NAA25: variants seen among roughly 807,000 people sequenced by gnomAD.
NAA25 encodes N-terminal acetyltransferase B complex subunit NAA25.
In NAA25, 30 loss-of-function variants were observed where a neutral mutation model predicts 132.5. That is an observed-to-expected ratio of 0.23 (90% CI 0.17 to 0.31). The LOEUF (loss-of-function observed/expected upper bound fraction) is 0.31. NAA25 is among the 10% of genes least tolerant of loss of function. The pLI is 1.00. For missense variants in NAA25, 771 were observed against 1,150.4 expected, an observed-to-expected ratio of 0.67 and a Z score of 4.77; for synonymous variants, 359 against 401.9, an observed-to-expected ratio of 0.89 and a Z score of 1.28.
At chr12:112,102,727 C>A (rs1314893559) in intron 1 of NAA25, among the ~76,000 whole-genome samples, 3 of 147,920 alleles carry the variant, frequency 2.0e-5, no homozygotes, top group African/African-American at 7.5e-5. Context: ...CGCACTGGAG[C>A]CCAGGCTGGA....
Position 112,027,431 on chromosome 12 carries a change from T to A in NAA25, c.*2100A>T, listed in dbSNP as rs182575877. 2.6e-5 allele frequency: 4 copies of A among 152,682 alleles called. No individual in the cohort carries two copies. The highest frequency in any genetic ancestry group is 6.5e-5 in the Admixed American group (1 of 15,282). The allele number at this position is 152,682 out of a possible 1,614,324, so 9.5% of individuals were successfully genotyped here. On this transcript the variant is annotated 3_prime_UTR_variant, in exon 24 of 24. Coordinates refer to ENST00000261745, the MANE Select transcript of NAA25 (RefSeq NM_024953.4). The stretch of plus-strand genomic sequence containing the variant: ...TAATTTCATTCTTTTTACAATTATC[T>A]CAAAATGTGAAAGCTGGATCTAATT...
chr12:112,107,052 G>C (rs1371282850), intron 1 of NAA25, among the ~76,000 whole-genome samples: 1 of 148,238 alleles, frequency 6.7e-6, no homozygotes, highest in Non-Finnish European at 1.5e-5. Flanking sequence ...AGTAGGTCAA[G>C]AGTTCAAGTC....
At chr12:112,042,638 A>G (rs2078317847) in intron 19 of NAA25, among the ~76,000 whole-genome samples, 1 of 151,948 alleles carries the variant, frequency 6.6e-6, no homozygotes, top group African/African-American at 2.4e-5. Context: ...TCTGGAGTAG[A>G]TAAGACTACA....
intron 7 of NAA25, among the ~76,000 whole-genome samples, chr12:112,077,801 T>A (rs187356003): frequency 0.018 from 2,799 of 151,682 alleles, 43 homozygotes; most frequent in Admixed American, 0.032. Flanking sequence ...TAAAGAAAAA[T>A]TTTTTTTAAA....
chr12:112,090,996 G>A (rs2079119986), intron 2 of NAA25, 132 bp from the exon 3 acceptor site: 7 of 822,664 alleles, frequency 8.5e-6, no homozygotes, highest in Non-Finnish European at 1.3e-5. Context: ...GGCTGGGTGC[G>A]GCGGCTCACA....
chr12:112,064,552 T>C (rs1030373531), intron 11 of NAA25, among the ~76,000 whole-genome samples: 1 of 152,194 alleles, frequency 6.6e-6, no homozygotes, highest in African/African-American at 2.4e-5. Flanking sequence ...TTTGATTAAA[T>C]GCTTCTATAG....
At position 112,086,713 on chromosome 12, in the gene NAA25, A is replaced by T. The variant is rs116549873; in HGVS notation, c.402+970T>A. On this transcript the variant is annotated intron_variant, in intron 4 of 23. Coordinates refer to ENST00000261745, the MANE Select transcript of NAA25 (RefSeq NM_024953.4). ...TTATACCCACAAAGAAAGCATTTCT[A>T]AAAAAGTACTAGCTTGGGCTGGGTG... 8.1e-3 allele frequency among the ~76,000 whole-genome samples: 1,231 copies of T among 152,202 alleles called. 16 individuals carry two copies. The highest frequency in any genetic ancestry group is 0.029 in the African/African-American group (1,184 of 41,536).
chr12:112,100,742 C>T (rs1010905360), intron 1 of NAA25, among the ~76,000 whole-genome samples: 2 of 151,586 alleles, frequency 1.3e-5, no homozygotes, highest in African/African-American at 2.4e-5. Flanking sequence ...ACCTCAGCCT[C>T]CGGAGTAGCT....
In NAA25 at chr12:112,042,059, G is replaced by A; in HGVS notation, c.2420C>T (p.Ser807Phe). 1 of 1,484,302 alleles carries A rather than the reference G, an allele frequency of 6.7e-7. No individual in the cohort carries two copies. The highest frequency in any genetic ancestry group is 8.9e-7 in the Non-Finnish European group (1 of 1,118,716). The allele number at this position is 1,484,302 out of a possible 1,614,324, so 91.9% of individuals were successfully genotyped here. A position where few individuals can be genotyped will look rare whatever the true frequency, so the allele number is the denominator to read the frequency against. ...CTTACCTTTTAACTGGTCTAGTAAA[G>A]ACTTAAAACTATTTTCTATTCGTTC... ...IQERIENSFK[S>F]LLDQLKDVFS... Residue 807 changes from serine to phenylalanine, a missense_variant, in exon 20 of 24, where the codon TCT becomes TTT. By Grantham distance (155) the Ser-to-Phe change is radical. Around this residue, in one of 3 missense-constraint regions of NAA25, gnomAD observed 324 missense variants for 400.0 expected, o/e 0.81. Coordinates refer to ENST00000261745, the MANE Select transcript of NAA25 (RefSeq NM_024953.4).
intron 13 of NAA25, 124 bp downstream of exon 13, chr12:112,060,146 G>C: frequency 1.4e-6 from 1 of 692,858 alleles, no homozygotes; most frequent in Non-Finnish European, 2.4e-6. Flanking sequence ...GAAATATCAA[G>C]AAAAGCAGAA....
chr12:112,098,988 T>C (rs1464534791), intron 1 of NAA25, among the ~76,000 whole-genome samples: 3 of 151,814 alleles, frequency 2.0e-5, no homozygotes, highest in African/African-American at 4.8e-5. Flanking sequence ...AAATTGCTAG[T>C]ATCTTTTTTT....
At chr12:112,086,821 G>A (rs2136920471) in intron 4 of NAA25, among the ~76,000 whole-genome samples, 1 of 152,148 alleles carries the variant, frequency 6.6e-6, no homozygotes, top group Admixed American at 6.6e-5. Context: ...AGACCAGCCT[G>A]ACCAACATGG....
rs548979243 is a variant in NAA25 at position 112,069,817 on chromosome 12, CT to C, written c.1037-826del. Among the ~76,000 whole-genome samples, 312 of 133,930 alleles carry C rather than the reference CT, an allele frequency of 2.3e-3. 1 individual carries two copies. Among genetic ancestry groups the C allele is most frequent in the Middle Eastern group, 0.016 (3 of 190 alleles). The allele number at this position is 133,930 out of a possible 152,430, so 87.9% of individuals were successfully genotyped here. A position where few individuals can be genotyped will look rare whatever the true frequency, so the allele number is the denominator to read the frequency against. On this transcript the variant is annotated intron_variant, in intron 10 of 23. Coordinates refer to ENST00000261745, the MANE Select transcript of NAA25 (RefSeq NM_024953.4). ...CCTGGGCGACAGAGAGAGACTCCAT[CT>C]CAAAAAAAAAAACAAAACTGTAAGC...
chr12:112,095,442 A>T (rs2136936306), intron 1 of NAA25, among the ~76,000 whole-genome samples: 1 of 151,838 alleles, frequency 6.6e-6, no homozygotes, highest in South Asian at 2.1e-4. Context: ...GTCTAAAAAA[A>T]AAAAGAATTA....
chr12:112,031,939 T>C (rs1479923940), intron 23 of NAA25, among the ~76,000 whole-genome samples: 1 of 151,820 alleles, frequency 6.6e-6, no homozygotes, highest in Non-Finnish European at 1.5e-5. Flanking sequence ...TTTCACTCAC[T>C]AGGTTCAATA....
intron 7 of NAA25, among the ~76,000 whole-genome samples, chr12:112,077,880 A>T (rs949714371): frequency 3.4e-5 from 5 of 148,380 alleles, no homozygotes; most frequent in South Asian, 2.1e-4. Context: ...ATTCGTGTTT[A>T]AAAAAAAAAG....
intron 9 of NAA25, among the ~76,000 whole-genome samples, 161 bp from the exon 10 acceptor site, chr12:112,072,225 C>T (rs1055316501): frequency 2.0e-5 from 3 of 152,086 alleles, no homozygotes; most frequent in African/African-American, 4.8e-5. Flanking sequence ...TAACAGATAA[C>T]ATGTTATAAG....
At position 112,060,368 on chromosome 12, in the gene NAA25, GA is replaced by G. The variant is rs375340001; in HGVS notation, c.1358-10del. 502 of 1,572,336 alleles carry G rather than the reference GA, an allele frequency of 3.2e-4. 4 individuals are homozygous for G. In the East Asian group the frequency reaches 6.1e-3, roughly 19 times the overall value. ...TTTCAAACAGGTTTTCCCTATGGGG[GA>G]AAAAAATCATATCTATTTTAACATT... On this transcript the variant is annotated splice_polypyrimidine_tract_variant and intron_variant, in intron 12 of 23. Transcript: ENST00000261745.
Position 112,040,577 on chromosome 12 carries a change from ATCTG to A in NAA25, c.2441-3_2441del. The stretch of plus-strand genomic sequence containing the variant: ...GGTCACCTTTACATTTACTGAAGAC[ATCTG>A]AAAACAAAAAACATTTTAGTTTTAT... On this transcript the variant is annotated splice_acceptor_variant and splice_polypyrimidine_tract_variant and coding_sequence_variant and intron_variant, in exon 21 of 24. Transcript: ENST00000261745. LOFTEE classifies it high-confidence loss of function. 1 of 1,551,436 alleles carries A rather than the reference ATCTG, an allele frequency of 6.4e-7. No individual in the cohort carries two copies. Among genetic ancestry groups the A allele is most frequent in the Non-Finnish European group, 8.8e-7 (1 of 1,135,752 alleles).
Sources: gnomAD v4.1 joint callset for allele counts (sites outside exome capture counted in the v4.1 genomes callset) on GRCh38, gnomAD v4.1.1 for gene constraint, gnomAD v4.1.1 regional missense constraint, MANE v1.5 for transcripts, NCBI Gene and HGNC (gene_info 2026-07-23, HGNC 2026-07-21) for gene names.